Variants in N4BP2 observed in about 807,000 individuals in gnomAD.
The protein encoded by N4BP2 is NEDD4 binding protein 2, also known as NEDD4-binding protein 2.
In N4BP2, 91 loss-of-function variants were observed where a neutral mutation model predicts 152.8. That is an observed-to-expected ratio of 0.60 (90% CI 0.50 to 0.71). N4BP2 has a LOEUF of 0.71. Among genes scored for constraint, N4BP2 ranks in the 30% least tolerant of loss-of-function variants. The pLI is 0.00. For missense variants in N4BP2, 1,923 were observed against 2,059.1 expected, an observed-to-expected ratio of 0.93 and a Z score of 1.28; for synonymous variants, 646 against 705.3, an observed-to-expected ratio of 0.92 and a Z score of 1.33.
In N4BP2 at chr4:40,120,744, C is replaced by A; in HGVS notation, c.2633C>A (p.Ser878Ter). ...GCTTATAAAAATATTGACAAAAACT[C>A]ATTCAACATTATGGGTGACTGGCCT... ...YDAYKNIDKN[S>*]FNIMGDWPSS... The change falls in exon 9 of 18, where the codon TCA becomes TAA. Residue 878 changes from serine (S) to a stop codon, truncating the protein, a stop_gained. Transcript: ENST00000261435. LOFTEE classifies it high-confidence loss of function. 6.2e-7 allele frequency: 1 copy of A among 1,614,112 alleles called. No homozygotes were observed. The highest frequency in any genetic ancestry group is 8.5e-7 in the Non-Finnish European group (1 of 1,179,998).
intron 1 of N4BP2, among the ~76,000 whole-genome samples, chr4:40,066,876 C>G (rs1204359004): frequency 6.6e-6 from 1 of 152,058 alleles, no homozygotes; most frequent in African/African-American, 2.4e-5. Flanking sequence ...CCTTCCTAGC[C>G]ATTGGCAACC....
At chr4:40,178,727 A>C in the N4BP2 span, among the ~76,000 whole-genome samples, 1 of 152,232 alleles carries the variant, frequency 6.6e-6, no homozygotes, top group African/African-American at 2.4e-5. Flanking sequence ...AGTTTCCTTG[A>C]GACATGCGAA....
At chr4:40,131,773 G>C in intron 12 of N4BP2, 28 bp from the exon 13 acceptor site, 2 of 1,526,140 alleles carry the variant, frequency 1.3e-6, no homozygotes, top group Non-Finnish European at 1.8e-6. Flanking sequence ...ATTTCATCTT[G>C]AACATGATTT....
intron 11 of N4BP2, 130 bp from the exon 12 acceptor site, chr4:40,126,004 T>G (rs545098970): frequency 2.0e-6 from 1 of 496,714 alleles, no homozygotes; most frequent in South Asian, 6.2e-5. Context: ...ATTTCAGAGT[T>G]GTGTTATATT....
chr4:40,108,772 A>G (rs1716571894), intron 5 of N4BP2, among the ~76,000 whole-genome samples: 2 of 150,380 alleles, frequency 1.3e-5, no homozygotes, highest in Non-Finnish European at 1.5e-5. Flanking sequence ...CATAGTTTGA[A>G]TTTTCTATGG....
At chr4:40,146,948 G>A (rs1431830984) in intron 16 of N4BP2, among the ~76,000 whole-genome samples, 1 of 140,808 alleles carries the variant, frequency 7.1e-6, no homozygotes, top group African/African-American at 2.7e-5. Flanking sequence ...ATTCTTGGGT[G>A]TTTCTCGCAG....
At chr4:40,124,494 G>A (rs113139921) in intron 11 of N4BP2, among the ~76,000 whole-genome samples, 14 of 151,830 alleles carry the variant, frequency 9.2e-5, no homozygotes, top group Middle Eastern at 6.8e-3. Flanking sequence ...CTACAGGTGC[G>A]CACCACCACA....
chr4:40,137,207 A>G, intron 14 of N4BP2, 125 bp downstream of exon 14: 2 of 757,324 alleles, frequency 2.6e-6, no homozygotes, highest in South Asian at 5.2e-5. Context: ...AAATTTAACC[A>G]CCAATGGCAT....
intron 16 of N4BP2, among the ~76,000 whole-genome samples, chr4:40,147,659 G>A (rs923220409): frequency 7.3e-5 from 11 of 149,966 alleles, no homozygotes; most frequent in Admixed American, 7.3e-4. Context: ...CCTCCCAGAC[G>A]GGGCGGCTGG....
intron 4 of N4BP2, among the ~76,000 whole-genome samples, chr4:40,106,586 T>C (rs10029236): frequency 0.029 from 4,381 of 152,292 alleles, 227 homozygotes; most frequent in African/African-American, 0.099. Context: ...TCTTGCTCTG[T>C]CTCCCAGGCT....
intron 1 of N4BP2, among the ~76,000 whole-genome samples, chr4:40,071,164 C>T (rs1712136689): frequency 1.3e-5 from 2 of 152,074 alleles, no homozygotes. Context: ...CTTCTCTACT[C>T]TGCCTCTCCT....
intron 12 of N4BP2, among the ~76,000 whole-genome samples, chr4:40,126,842 C>G (rs1718455119): frequency 6.6e-6 from 1 of 151,730 alleles, no homozygotes; most frequent in Admixed American, 6.6e-5. Flanking sequence ...ACTGCAACCT[C>G]CATCTTTCGG....
At chr4:40,188,033 G>C in the N4BP2 span, among the ~76,000 whole-genome samples, 2,047 of 152,278 alleles carry the variant, frequency 0.013, 48 homozygotes, top group African/African-American at 0.047. Flanking sequence ...CTGGAGGAGG[G>C]AGGAAAAACA....
intron 5 of N4BP2, among the ~76,000 whole-genome samples, chr4:40,109,605 C>CT (rs1716675271): frequency 6.6e-6 from 1 of 151,916 alleles, no homozygotes; most frequent in African/African-American, 2.4e-5. Context: ...ATAGTCCCAG[C>CT]TACTTGAGAG....
Position 40,102,973 on chromosome 4 carries a change from C to G in N4BP2, c.1128C>G (p.Asn376Lys), listed in dbSNP as rs1467010688. 3 of 1,614,074 alleles carry G rather than the reference C, an allele frequency of 1.9e-6. No individual in the cohort carries two copies. In the African/African-American group the frequency reaches 4.0e-5, roughly 22 times the overall value. The change falls in exon 4 of 18, where the codon AAC (asparagine) becomes AAG (lysine). Residue 376 changes from asparagine to lysine, a missense_variant. Physicochemically the swap from Asn to Lys is moderately conservative, Grantham distance 94. Transcript: ENST00000261435. ...CTGCTTTTGACCTCTTCCAAGGAAA[C>G]CATGGCTTTGTAGCTCCTGTTGTAA... ...MIPAFDLFQG[N>K]HGFVAPVVTT... is the part of the protein sequence containing the mutation.
intron 3 of N4BP2, among the ~76,000 whole-genome samples, chr4:40,099,388 G>A (rs1021004011): frequency 1.0e-3 from 155 of 152,050 alleles, no homozygotes; most frequent in Admixed American, 9.2e-3. Flanking sequence ...GATTACAGGC[G>A]TCCGCCACTG....
intron 14 of N4BP2, among the ~76,000 whole-genome samples, chr4:40,137,580 G>A (rs538732187): frequency 1.9e-4 from 29 of 152,090 alleles, no homozygotes; most frequent in Admixed American, 5.9e-4. Flanking sequence ...TAAGAATACC[G>A]AGAATTTGTT....
At chr4:40,106,261 A>G (rs2109969977) in intron 4 of N4BP2, among the ~76,000 whole-genome samples, 1 of 152,312 alleles carries the variant, frequency 6.6e-6, no homozygotes, top group East Asian at 1.9e-4. Context: ...ACTTCTGCTT[A>G]GAGTATTTTT....
intron 4 of N4BP2, among the ~76,000 whole-genome samples, chr4:40,106,195 T>C (rs1337291926): frequency 6.6e-6 from 1 of 152,234 alleles, no homozygotes; most frequent in Non-Finnish European, 1.5e-5. Context: ...TTTCTGAATA[T>C]TAATTTACAT....
Sources: gnomAD v4.1 joint callset for allele counts (sites outside exome capture counted in the v4.1 genomes callset) on GRCh38, gnomAD v4.1.1 for gene constraint, MANE v1.5 for transcripts, NCBI Gene and HGNC (gene_info 2026-07-23, HGNC 2026-07-21) for gene names.